The following PDGFC variants were observed in gnomAD, a reference collection of about 807,000 sequenced individuals.
PDGFC encodes platelet-derived growth factor C.
In PDGFC, 12 loss-of-function variants were observed where a neutral mutation model predicts 35.5. The observed-to-expected ratio is 0.34, with a 90% CI of 0.22 to 0.55. PDGFC has a LOEUF of 0.55. Among genes scored for constraint, PDGFC ranks in the 20% least tolerant of loss-of-function variants. PDGFC has a pLI of 0.91. For synonymous variants in PDGFC, 159 were observed against 148.8 expected, an observed-to-expected ratio of 1.07 and a Z score of -0.50; for missense variants, 322 against 412.4, an observed-to-expected ratio of 0.78 and a Z score of 1.90.
chr4:156,764,523 T>A (rs1199447481), intron 5 of PDGFC, among the ~76,000 whole-genome samples: 1 of 152,162 alleles, frequency 6.6e-6, no homozygotes, highest in African/African-American at 2.4e-5. Context: ...GATAATAATT[T>A]TATAGACTCA....
intron 2 of PDGFC, among the ~76,000 whole-genome samples, chr4:156,833,878 AGTTCAAGGCTT>A (rs948243470): frequency 3.9e-5 from 6 of 152,326 alleles, no homozygotes; most frequent in African/African-American, 1.4e-4. Flanking sequence ...TAACCAACCT[AGTTCAAGGCTT>A]GGCAAATAGT....
chr4:156,879,757 C>T (rs949758800), intron 1 of PDGFC, among the ~76,000 whole-genome samples: 2 of 152,126 alleles, frequency 1.3e-5, no homozygotes, highest in Non-Finnish European at 1.5e-5. Flanking sequence ...ATAGTTCTTT[C>T]AAAGCCCCCA....
Position 156,767,758 on chromosome 4 carries a change from A to G in PDGFC, c.921+15T>C. 1 of 1,553,126 alleles carries G rather than the reference A, an allele frequency of 6.4e-7. No individual in the cohort carries two copies. Among genetic ancestry groups the G allele is most frequent in the Non-Finnish European group, 8.9e-7 (1 of 1,125,056 alleles). On this transcript the variant is annotated intron_variant, in intron 5 of 5. Transcript: ENST00000502773. ...AAATACCCGAAGGAAACCAAAAAGA[A>G]AATTGTATACCTACCTCGTGGTATT...
At chr4:156,808,939 C>A (rs1238084908) in intron 3 of PDGFC, among the ~76,000 whole-genome samples, 3 of 152,010 alleles carry the variant, frequency 2.0e-5, no homozygotes, top group African/African-American at 7.2e-5. Flanking sequence ...CATATAATTT[C>A]TCCAGAAAGC....
At chr4:156,889,686 T>C (rs1375433243) in intron 1 of PDGFC, among the ~76,000 whole-genome samples, 2 of 152,216 alleles carry the variant, frequency 1.3e-5, no homozygotes, top group Non-Finnish European at 1.5e-5. Context: ...AACAGTTTAA[T>C]ACAGCAAACT....
chr4:156,935,154 C>G (rs571433712), intron 1 of PDGFC, among the ~76,000 whole-genome samples: 74 of 152,150 alleles, frequency 4.9e-4, no homozygotes, highest in Non-Finnish European at 9.4e-4. Flanking sequence ...TGCACCACCA[C>G]GCCCAACTAA....
intron 1 of PDGFC, among the ~76,000 whole-genome samples, chr4:156,938,282 G>T (rs1171744081): frequency 6.6e-6 from 1 of 152,044 alleles, no homozygotes; most frequent in Non-Finnish European, 1.5e-5. Context: ...CTGTAGAGCA[G>T]ATCCTAAGCG....
intron 4 of PDGFC, among the ~76,000 whole-genome samples, chr4:156,772,413 C>A (rs762699370): frequency 2.6e-5 from 4 of 152,086 alleles, no homozygotes; most frequent in Non-Finnish European, 5.9e-5. Flanking sequence ...CAATGAAGGA[C>A]TTCATCAAAA....
intron 2 of PDGFC, among the ~76,000 whole-genome samples, chr4:156,824,325 T>TATACACACATACAC (rs1560827537): frequency 1.8e-5 from 2 of 109,636 alleles, no homozygotes; most frequent in African/African-American, 4.8e-5. Context: ...TATATATATA[T>TATACACACATACAC]ATACACACAC....
At chr4:156,882,517 T>C (rs1041893681) in intron 1 of PDGFC, among the ~76,000 whole-genome samples, 2 of 152,202 alleles carry the variant, frequency 1.3e-5, no homozygotes, top group Non-Finnish European at 2.9e-5. Flanking sequence ...TTGAAATAGT[T>C]AAGATTACTG....
chr4:156,934,101 A>G (rs1004744481), intron 1 of PDGFC, among the ~76,000 whole-genome samples: 3 of 152,326 alleles, frequency 2.0e-5, no homozygotes, highest in African/African-American at 7.2e-5. Context: ...TGAATCACCA[A>G]TATACAGTCA....
At chr4:156,963,622 G>T (rs1453146777) in intron 1 of PDGFC, among the ~76,000 whole-genome samples, 1 of 152,144 alleles carries the variant, frequency 6.6e-6, no homozygotes, top group Non-Finnish European at 1.5e-5. Context: ...TGGAAACAGG[G>T]CAAATAACCG....
intron 1 of PDGFC, among the ~76,000 whole-genome samples, chr4:156,857,624 T>A (rs1177620164): frequency 6.6e-6 from 1 of 152,088 alleles, no homozygotes; most frequent in South Asian, 2.1e-4. Flanking sequence ...AATGTTAATA[T>A]AGCGAGCATC....
intron 2 of PDGFC, among the ~76,000 whole-genome samples, chr4:156,835,479 A>G (rs979592254): frequency 6.6e-6 from 1 of 151,016 alleles, no homozygotes; most frequent in African/African-American, 2.4e-5. Context: ...GGATGAAGGC[A>G]AAAAAAAATG....
At chr4:156,945,199 C>T (rs1270781374) in intron 1 of PDGFC, among the ~76,000 whole-genome samples, 1 of 151,338 alleles carries the variant, frequency 6.6e-6, no homozygotes, top group Non-Finnish European at 1.5e-5. Context: ...ACATTCTGCT[C>T]ATTGCTTTTT....
At chr4:156,832,292 T>C (rs527349726) in intron 2 of PDGFC, among the ~76,000 whole-genome samples, 1 of 150,228 alleles carries the variant, frequency 6.7e-6, no homozygotes, top group Admixed American at 6.7e-5. Context: ...GTCTTGCTCT[T>C]GTTGCCCAGG....
At position 156,787,118 on chromosome 4, in the gene PDGFC, G is replaced by T. The variant is rs539401320; in HGVS notation, c.496-14225C>A. 3.9e-5 allele frequency among the ~76,000 whole-genome samples: 6 copies of T among 152,292 alleles called. No homozygotes were observed. In the East Asian group the frequency reaches 1.2e-3, roughly 29 times the overall value. On this transcript the variant is annotated intron_variant, in intron 3 of 5. Coordinates refer to ENST00000502773, the MANE Select transcript of PDGFC (RefSeq NM_016205.3). The stretch of plus-strand genomic sequence containing the variant: ...CAAGATTGTCAAATGAATGTTATTA[G>T]GAAGAGGTGCCATGGTTATAAAGTG...
intron 1 of PDGFC, among the ~76,000 whole-genome samples, chr4:156,950,367 A>C (rs1732050958): frequency 6.6e-6 from 1 of 151,886 alleles, no homozygotes; most frequent in South Asian, 2.1e-4. Flanking sequence ...TGATTAGATA[A>C]TAATATTAGT....
intron 2 of PDGFC, among the ~76,000 whole-genome samples, chr4:156,823,166 A>G (rs1579033276): frequency 1.3e-5 from 2 of 152,098 alleles, no homozygotes; most frequent in East Asian, 3.9e-4. Context: ...GCACTTTGGG[A>G]GACGGAGCTG....
Sources: gnomAD v4.1 joint callset for allele counts (sites outside exome capture counted in the v4.1 genomes callset) on GRCh38, gnomAD v4.1.1 for gene constraint, MANE v1.5 for transcripts, NCBI Gene and HGNC (gene_info 2026-07-23, HGNC 2026-07-21) for gene names.